The following DENND5B variants were observed in gnomAD, a reference collection of about 807,000 sequenced individuals.
DENND5B encodes the protein DENN domain containing 5B, also known as DENN domain-containing protein 5B.
In DENND5B, 34 loss-of-function variants were observed where a neutral mutation model predicts 140.6. That is an observed-to-expected ratio of 0.24 (90% CI 0.18 to 0.32). DENND5B has a LOEUF of 0.32. Among genes scored for constraint, DENND5B ranks in the 10% least tolerant of loss-of-function variants. DENND5B has a pLI of 1.00. For synonymous variants in DENND5B, 551 were observed against 562.1 expected (o/e 0.98, Z 0.28); for missense variants, 1,142 against 1,560.2 (o/e 0.73, Z 4.52).
At chr12:31,520,506 G>A (rs980389586) in intron 1 of DENND5B, among the ~76,000 whole-genome samples, 1 of 152,100 alleles carries the variant, frequency 6.6e-6, no homozygotes, top group Non-Finnish European at 1.5e-5. Flanking sequence ...GAAAGATAAT[G>A]TGAACCATAT....
At chr12:31,390,444 G>A (rs373822408) in intron 19 of DENND5B, among the ~76,000 whole-genome samples, 1 of 151,578 alleles carries the variant, frequency 6.6e-6, no homozygotes, top group East Asian at 2.0e-4. Flanking sequence ...TTCGAGACCA[G>A]CCTAGCCAGC....
At chr12:31,448,858 CAAACAA>C (rs1565588678) in intron 5 of DENND5B, among the ~76,000 whole-genome samples, 1 of 151,412 alleles carries the variant, frequency 6.6e-6, no homozygotes, top group African/African-American at 2.4e-5. Flanking sequence ...AAAAAACAAA[CAAACAA>C]AAACAAATCA....
At chr12:31,524,955 C>G (rs906716058) in intron 1 of DENND5B, among the ~76,000 whole-genome samples, 1 of 152,108 alleles carries the variant, frequency 6.6e-6, no homozygotes, top group East Asian at 1.9e-4. Flanking sequence ...AGAACATACA[C>G]AAATGACCAA....
rs964519670 is a variant in DENND5B at position 31,554,791 on chromosome 12, G to A, written c.127+35915C>T. 4.6e-5 allele frequency among the ~76,000 whole-genome samples: 7 copies of A among 152,036 alleles called. No homozygotes were observed. The East Asian group carries it at 5.8e-4, about 13-fold the overall frequency. On this transcript the variant is annotated intron_variant, in intron 1 of 20. Transcript: ENST00000389082. ...CTTTTTGCTCTAAACTTCTCTTCTC[G>A]CTTCACTTCATTCATTTCGTCTTCC...
chr12:31,581,637 G>A (rs557655978), intron 1 of DENND5B, among the ~76,000 whole-genome samples: 2 of 145,776 alleles, frequency 1.4e-5, no homozygotes, highest in South Asian at 2.2e-4. Context: ...TGGCTGCGGT[G>A]AGCCGAGATC....
intron 1 of DENND5B, among the ~76,000 whole-genome samples, chr12:31,585,229 T>A (rs1242698695): frequency 6.6e-6 from 1 of 152,164 alleles, no homozygotes; most frequent in Non-Finnish European, 1.5e-5. Flanking sequence ...AGATCTTGAA[T>A]CTTCTTTGGC....
Position 31,387,857 on chromosome 12 carries a change from C to T in DENND5B, c.3642-71G>A, listed in dbSNP as rs1260234377. On this transcript the variant is annotated intron_variant, in intron 20 of 20. Transcript: ENST00000389082. ...TGCAGAACAAGGCACACAGTGGAGT[C>T]TGTATGAATGGGAAGGTGTGGGACT... The T allele has an allele frequency of 2.7e-6, 4 of 1,484,594 alleles. No individual in the cohort carries two copies. In the African/African-American group the frequency reaches 5.5e-5, roughly 21 times the overall value. 92.0% of individuals were successfully genotyped at this position (1,484,594 alleles called of 1,614,324 possible). A position where few individuals can be genotyped will look rare whatever the true frequency, so the allele number is the denominator to read the frequency against.
At chr12:31,474,513 C>T (rs940115425) in intron 3 of DENND5B, among the ~76,000 whole-genome samples, 6 of 152,176 alleles carry the variant, frequency 3.9e-5, no homozygotes, top group African/African-American at 1.2e-4. Flanking sequence ...GTGATATATG[C>T]ATTTCCTAAA....
intron 17 of DENND5B, among the ~76,000 whole-genome samples, chr12:31,395,676 C>A (rs138920933): frequency 5.1e-4 from 78 of 152,118 alleles, no homozygotes; most frequent in Middle Eastern, 3.4e-3. Context: ...TGGATAGAGA[C>A]TAATAGAAGA....
chr12:31,499,718 C>A, intron 1 of DENND5B: 1 of 1,379,984 alleles, frequency 7.2e-7, no homozygotes, highest in South Asian at 1.7e-5. Flanking sequence ...CAAATAAAAA[C>A]AAACAAAAAG....
intron 1 of DENND5B, among the ~76,000 whole-genome samples, chr12:31,508,299 T>A (rs1274007929): frequency 1.3e-5 from 2 of 152,096 alleles, no homozygotes; most frequent in African/African-American, 4.8e-5. Flanking sequence ...ACCAAAAAAA[T>A]TTTTATAAGA....
chr12:31,434,397 C>T (rs1010979842), intron 7 of DENND5B, among the ~76,000 whole-genome samples: 1 of 152,106 alleles, frequency 6.6e-6, no homozygotes, highest in African/African-American at 2.4e-5. Flanking sequence ...ATCGAAACTG[C>T]CTTTCAGATG....
At chr12:31,502,722 C>T (rs765830236) in intron 1 of DENND5B, among the ~76,000 whole-genome samples, 2 of 152,126 alleles carry the variant, frequency 1.3e-5, no homozygotes, top group African/African-American at 2.4e-5. Context: ...TAAGCTTCTA[C>T]GCTGGGGGGC....
intron 1 of DENND5B, among the ~76,000 whole-genome samples, chr12:31,582,750 T>C (rs1353841125): frequency 6.6e-6 from 1 of 152,188 alleles, no homozygotes; most frequent in Admixed American, 6.5e-5. Flanking sequence ...ATCTTTCCCA[T>C]ATAGAGGAAT....
intron 7 of DENND5B, among the ~76,000 whole-genome samples, chr12:31,435,402 C>G (rs1387155648): frequency 6.6e-6 from 1 of 152,084 alleles, no homozygotes; most frequent in African/African-American, 2.4e-5. Context: ...TTGACCAATT[C>G]TCCCGTCTTT....
intron 1 of DENND5B, among the ~76,000 whole-genome samples, chr12:31,532,468 G>T (rs1948320857): frequency 2.0e-5 from 3 of 152,132 alleles, no homozygotes; most frequent in South Asian, 4.1e-4. Context: ...GAAGAGACCA[G>T]GCAGGGAGGG....
intron 3 of DENND5B, among the ~76,000 whole-genome samples, chr12:31,477,292 C>T (rs1012045211): frequency 1.3e-5 from 2 of 152,074 alleles, no homozygotes; most frequent in Admixed American, 1.3e-4. Context: ...AGCTCCAAGC[C>T]TCTGCCCCTT....
At chr12:31,486,737 T>C (rs1343860570) in intron 2 of DENND5B, among the ~76,000 whole-genome samples, 4 of 152,334 alleles carry the variant, frequency 2.6e-5, no homozygotes, top group East Asian at 3.9e-4. Context: ...CTTCCTTACT[T>C]CCCTTAAGTC....
At chr12:31,526,857 A>G (rs1462145870) in intron 1 of DENND5B, among the ~76,000 whole-genome samples, 1 of 152,254 alleles carries the variant, frequency 6.6e-6, no homozygotes, top group Admixed American at 6.5e-5. Flanking sequence ...CCGCAAATCC[A>G]AAGTTATTTC....
Sources: allele counts gnomAD v4.1 joint callset (sites outside exome capture counted in the v4.1 genomes callset), GRCh38; gene constraint gnomAD v4.1.1; transcripts MANE v1.5; gene names NCBI Gene and HGNC (gene_info 2026-07-23, HGNC 2026-07-21).